The following ZMAT4 variants were observed in gnomAD, a reference collection of about 807,000 sequenced individuals.
The protein encoded by ZMAT4 is zinc finger matrin-type 4.
ZMAT4 carries 17 observed loss-of-function variants against 28.7 expected under a neutral mutation model. That is an observed-to-expected ratio of 0.59 (90% CI 0.41 to 0.89). ZMAT4 has a LOEUF of 0.89. Among genes scored for constraint, ZMAT4 ranks in the 40% least tolerant of loss-of-function variants. ZMAT4 has a pLI of 0.00. For missense variants in ZMAT4, 240 were observed against 283.8 expected (o/e 0.85, Z 1.11); for synonymous variants, 117 against 109.2 (o/e 1.07, Z -0.44).
At chr8:40,715,111 G>A (rs1391448096) in intron 3 of ZMAT4, among the ~76,000 whole-genome samples, 1 of 151,280 alleles carries the variant, frequency 6.6e-6, no homozygotes, top group Non-Finnish European at 1.5e-5. Context: ...CTATGGAAGG[G>A]ACTTTTGAAT....
intron 6 of ZMAT4, among the ~76,000 whole-genome samples, chr8:40,568,107 T>C (rs2118496813): frequency 6.6e-6 from 1 of 152,234 alleles, no homozygotes; most frequent in Admixed American, 6.5e-5. Context: ...GAAAATAGTT[T>C]CATTTATTTT....
intron 5 of ZMAT4, among the ~76,000 whole-genome samples, chr8:40,617,567 A>AAT (rs1258997629): frequency 6.6e-6 from 1 of 152,212 alleles, no homozygotes; most frequent in Non-Finnish European, 1.5e-5. Flanking sequence ...GGAAGCATAA[A>AAT]ATATATATAA....
chr8:40,665,719 T>C (rs1198272341), intron 5 of ZMAT4, among the ~76,000 whole-genome samples: 1 of 152,174 alleles, frequency 6.6e-6, no homozygotes, highest in Non-Finnish European at 1.5e-5. Context: ...ACAAAAGAGT[T>C]AATTACTCAG....
Position 40,710,370 on chromosome 8 carries a change from A to AACAT in ZMAT4, c.193-12973_193-12970dup, listed in dbSNP as rs150449586. ...ATCGTTTCCTGCGTCTTTGTGAACC[A>AACAT]ACATACTCAGTGTAGAAAAAGAGTG... On this transcript the variant is annotated intron_variant, in intron 3 of 6. Transcript: ENST00000297737. Among the ~76,000 whole-genome samples the AACAT allele has an allele frequency of 9.3e-3, 1,423 of 152,342 alleles. 17 individuals are homozygous for AACAT. The highest frequency in any genetic ancestry group is 0.032 in the African/African-American group (1,320 of 41,580).
At chr8:40,585,103 G>C (rs1346387109) in intron 5 of ZMAT4, among the ~76,000 whole-genome samples, 1 of 152,138 alleles carries the variant, frequency 6.6e-6, no homozygotes, top group African/African-American at 2.4e-5. Context: ...AATGTATATA[G>C]TAAGCTAGGT....
chr8:40,695,460 AG>A (rs1245191762), intron 4 of ZMAT4, among the ~76,000 whole-genome samples: 5 of 152,228 alleles, frequency 3.3e-5, no homozygotes, highest in Admixed American at 6.5e-5. Context: ...GGCGCAAGGC[AG>A]GCCCAACCTG....
chr8:40,665,621 C>CA (rs1340918645), intron 5 of ZMAT4, among the ~76,000 whole-genome samples: 1 of 152,318 alleles, frequency 6.6e-6, no homozygotes, highest in Admixed American at 6.5e-5. Flanking sequence ...CCAGAAAACT[C>CA]AGAGTTGGCT....
intron 3 of ZMAT4, among the ~76,000 whole-genome samples, chr8:40,701,506 ATTTTTTTTTTTTTTT>A (rs58912869): frequency 1.6e-4 from 12 of 73,894 alleles, no homozygotes; most frequent in East Asian, 4.7e-4. Context: ...ACTATGCAGA[ATTTTTTTTTTTTTTT>A]TTTTTTTTTT....
chr8:40,588,317 C>A (rs1804736749), intron 5 of ZMAT4, among the ~76,000 whole-genome samples: 1 of 151,824 alleles, frequency 6.6e-6, no homozygotes, highest in Admixed American at 6.6e-5. Flanking sequence ...GTAAAAGAGA[C>A]CATTAGGAAA....
At chr8:40,894,282 G>T (rs1347602837) in intron 1 of ZMAT4, among the ~76,000 whole-genome samples, 1 of 152,214 alleles carries the variant, frequency 6.6e-6, no homozygotes, top group Non-Finnish European at 1.5e-5. Flanking sequence ...GCATAGAACT[G>T]AACTTGGGGA....
intron 5 of ZMAT4, among the ~76,000 whole-genome samples, chr8:40,656,181 A>G (rs1162025901): frequency 6.6e-6 from 1 of 152,154 alleles, no homozygotes; most frequent in Non-Finnish European, 1.5e-5. Flanking sequence ...ACAAATGTTC[A>G]ATAAACACAT....
At chr8:40,572,921 C>T (rs1804144516) in intron 6 of ZMAT4, among the ~76,000 whole-genome samples, 1 of 152,108 alleles carries the variant, frequency 6.6e-6, no homozygotes, top group Admixed American at 6.6e-5. Flanking sequence ...GTAATAAAGG[C>T]ATATGACCTG....
At chr8:40,743,799 C>T (rs1350471093) in intron 3 of ZMAT4, among the ~76,000 whole-genome samples, 1 of 152,000 alleles carries the variant, frequency 6.6e-6, no homozygotes, top group African/African-American at 2.4e-5. Context: ...TCTGGAGCCA[C>T]AGATCATGGT....
At chr8:40,725,583 A>G (rs1161399928) in intron 3 of ZMAT4, among the ~76,000 whole-genome samples, 1 of 152,200 alleles carries the variant, frequency 6.6e-6, no homozygotes, top group Non-Finnish European at 1.5e-5. Flanking sequence ...CAGCTGTCAC[A>G]GAGGAATCAA....
chr8:40,603,118 A>T (rs1585744373), intron 5 of ZMAT4, among the ~76,000 whole-genome samples: 1 of 152,156 alleles, frequency 6.6e-6, no homozygotes, highest in Admixed American at 6.5e-5. Flanking sequence ...AGAGATGAGG[A>T]TCCAGTTTTA....
chr8:40,711,233 A>C (rs2150507960), intron 3 of ZMAT4, among the ~76,000 whole-genome samples: 2 of 152,318 alleles, frequency 1.3e-5, no homozygotes, highest in Admixed American at 1.3e-4. Context: ...GCTTTTCCTA[A>C]AAGCACAGAG....
intron 1 of ZMAT4, among the ~76,000 whole-genome samples, chr8:40,868,552 C>G (rs1586194318): frequency 6.6e-6 from 1 of 152,162 alleles, no homozygotes; most frequent in African/African-American, 2.4e-5. Flanking sequence ...ACTTGGGCAC[C>G]AAGGAGGGCT....
At chr8:40,663,288 GT>G (rs1160256270) in intron 5 of ZMAT4, among the ~76,000 whole-genome samples, 2 of 152,092 alleles carry the variant, frequency 1.3e-5, no homozygotes, top group Non-Finnish European at 2.9e-5. Flanking sequence ...GTTGGAAGTC[GT>G]TTTTTTCTGT....
chr8:40,797,790 A>T (rs915050450), intron 2 of ZMAT4, among the ~76,000 whole-genome samples: 3 of 152,206 alleles, frequency 2.0e-5, no homozygotes, highest in Non-Finnish European at 2.9e-5. Context: ...TCGACAGGTC[A>T]CAGTCTCCTC....
Sources: gnomAD v4.1 joint callset for allele counts (sites outside exome capture counted in the v4.1 genomes callset) on GRCh38, gnomAD v4.1.1 for gene constraint, MANE v1.5 for transcripts, NCBI Gene and HGNC (gene_info 2026-07-23, HGNC 2026-07-21) for gene names.